Variants in HMGA2 observed in about 807,000 individuals in gnomAD.
The protein encoded by HMGA2 is high mobility group protein HMGI-C.
A neutral mutation model predicts 19.1 loss-of-function variants in HMGA2; 8 were observed. That is an observed-to-expected ratio of 0.42 (90% CI 0.25 to 0.76). The LOEUF is 0.76. HMGA2 is among the 30% of genes least tolerant of loss of function. The probability of loss-of-function intolerance (pLI) is 0.28; values close to 1 mark genes in which losing one functional copy is unlikely to be tolerated. For missense variants in HMGA2, 109 were observed against 136.3 expected, an observed-to-expected ratio of 0.80 and a Z score of 1.00; for synonymous variants, 60 against 48.8, an observed-to-expected ratio of 1.23 and a Z score of -0.96.
rs34541445 is a variant in HMGA2 at position 65,849,736 on chromosome 12, A to ATTTT, written c.249+11188_249+11191dup. Reference sequence around the variant, plus strand: ...AAACCAAGACAATGGTAGGCTCTGTATTTTTTTTTTTTTTTTTTTTTTTTG... The same window carrying ATTTT: ...AAACCAAGACAATGGTAGGCTCTGTATTTTTTTTTTTTTTTTTTTTTTTTTTTTG... On this transcript the variant is annotated intron_variant, in intron 3 of 4. Coordinates refer to ENST00000403681, the MANE Select transcript of HMGA2 (RefSeq NM_003483.6). 1.9e-3 allele frequency among the ~76,000 whole-genome samples: 165 copies of ATTTT among 85,108 alleles called. 18 individuals are homozygous for ATTTT. The highest frequency in any genetic ancestry group is 7.8e-3 in the African/African-American group (144 of 18,522). The allele number at this position is 85,108 out of a possible 152,430, so 55.8% of individuals were successfully genotyped here.
chr12:65,936,869 G>A (rs1489980935), intron 3 of HMGA2, among the ~76,000 whole-genome samples: 1 of 152,068 alleles, frequency 6.6e-6, no homozygotes, highest in Non-Finnish European at 1.5e-5. Flanking sequence ...TGATCTCAGA[G>A]GTCTTTCTGG....
rs1876858741 is a variant in HMGA2 at position 65,964,738 on chromosome 12, T to C, written c.*1446T>C. The C allele has an allele frequency of 5.1e-6, 1 of 197,456 alleles. No individual in the cohort carries two copies. The highest frequency in any genetic ancestry group is 6.1e-5 in the Admixed American group (1 of 16,518). The allele number at this position is 197,456 out of a possible 1,614,324, so 12.2% of individuals were successfully genotyped here. On this transcript the variant is annotated 3_prime_UTR_variant, in exon 5 of 5. Transcript: ENST00000403681. ...CATGACTATGTATTTTTCTATGTTT[T>C]TTTAATTAAAAATTTTTAAAATACT... is the stretch of plus-strand genomic sequence containing the variant.
At chr12:65,865,176 A>T (rs2121001820) in intron 3 of HMGA2, among the ~76,000 whole-genome samples, 1 of 152,322 alleles carries the variant, frequency 6.6e-6, no homozygotes, top group African/African-American at 2.4e-5. Flanking sequence ...ATATAATAAT[A>T]TCACATACAA....
At chr12:65,910,841 TC>T (rs1288225642) in intron 3 of HMGA2, among the ~76,000 whole-genome samples, 2 of 152,214 alleles carry the variant, frequency 1.3e-5, no homozygotes, top group Admixed American at 1.3e-4. Context: ...TACCCTTTGT[TC>T]CAAGCGTTGA....
chr12:65,923,533 C>T (rs1161189525), intron 3 of HMGA2, among the ~76,000 whole-genome samples: 1 of 152,130 alleles, frequency 6.6e-6, no homozygotes, highest in African/African-American at 2.4e-5. Context: ...TGGACCAGTC[C>T]AACAAAATAT....
intron 2 of HMGA2, among the ~76,000 whole-genome samples, chr12:65,836,687 C>T (rs956636802): frequency 2.6e-5 from 4 of 152,176 alleles, no homozygotes; most frequent in African/African-American, 9.7e-5. Flanking sequence ...TGGGCTTTCG[C>T]TAAATTCATG....
At chr12:65,845,646 T>C (rs559237650) in intron 3 of HMGA2, among the ~76,000 whole-genome samples, 5 of 152,298 alleles carry the variant, frequency 3.3e-5, no homozygotes, top group Non-Finnish European at 7.4e-5. Flanking sequence ...TAAACATTTT[T>C]GACAAAAGAT....
intron 3 of HMGA2, among the ~76,000 whole-genome samples, chr12:65,891,021 G>A (rs964828706): frequency 1.3e-5 from 2 of 152,178 alleles, no homozygotes; most frequent in Non-Finnish European, 2.9e-5. Context: ...ATGAGCCATA[G>A]CGCCCAGCCG....
chr12:65,912,143 T>G (rs1034131733), intron 3 of HMGA2, among the ~76,000 whole-genome samples: 1 of 152,184 alleles, frequency 6.6e-6, no homozygotes, highest in African/African-American at 2.4e-5. Flanking sequence ...TTTGCAACCC[T>G]TACCATACTT....
At chr12:65,915,345 C>A in intron 3 of HMGA2, 1 of 1,357,036 alleles carries the variant, frequency 7.4e-7, no homozygotes, top group Non-Finnish European at 9.5e-7. Flanking sequence ...ATATGGCACC[C>A]TTGTACGAAT....
At chr12:65,895,962 T>C (rs1006926541) in intron 3 of HMGA2, among the ~76,000 whole-genome samples, 34 of 152,178 alleles carry the variant, frequency 2.2e-4, no homozygotes, top group Non-Finnish European at 3.5e-4. Context: ...CATGTGTGTG[T>C]TTTCTTATCT....
At chr12:65,872,488 T>C (rs559343664) in intron 3 of HMGA2, among the ~76,000 whole-genome samples, 2 of 152,320 alleles carry the variant, frequency 1.3e-5, no homozygotes, top group South Asian at 4.1e-4. Flanking sequence ...ACTGCCTGCA[T>C]TGACTGACTG....
chr12:65,834,920 A>G (rs918623967), intron 2 of HMGA2, among the ~76,000 whole-genome samples: 2 of 152,246 alleles, frequency 1.3e-5, no homozygotes, highest in Non-Finnish European at 2.9e-5. Flanking sequence ...TTAAAACATA[A>G]AAATATTAAT....
intron 3 of HMGA2, chr12:65,881,484 A>G (rs1230244530): frequency 7.3e-6 from 4 of 544,788 alleles, no homozygotes; most frequent in South Asian, 5.4e-5. Flanking sequence ...ATTATGAAGC[A>G]ATCTTGCTTA....
At chr12:65,889,293 A>G (rs1873804537) in intron 3 of HMGA2, among the ~76,000 whole-genome samples, 1 of 152,180 alleles carries the variant, frequency 6.6e-6, no homozygotes, top group Non-Finnish European at 1.5e-5. Context: ...CTACAAATCA[A>G]ACTTCAGCAT....
chr12:65,889,163 A>G (rs1405013081), intron 3 of HMGA2, among the ~76,000 whole-genome samples: 1 of 152,216 alleles, frequency 6.6e-6, no homozygotes, highest in African/African-American at 2.4e-5. Flanking sequence ...CCCTTGTCCA[A>G]TGTTCAACTA....
chr12:65,858,613 T>C (rs2120961034), intron 3 of HMGA2: 1 of 152,328 alleles, frequency 6.6e-6, no homozygotes, highest in Non-Finnish European at 1.5e-5. Context: ...ACCTTATATT[T>C]GTACCTTTAC....
chr12:65,842,703 CA>C, intron 3 of HMGA2: 1 of 1,502,130 alleles, frequency 6.7e-7, no homozygotes, highest in Non-Finnish European at 8.9e-7. Flanking sequence ...TCAAGATGTA[CA>C]TACAGAGATG....
chr12:65,908,319 C>T (rs761586082), intron 3 of HMGA2, among the ~76,000 whole-genome samples: 2 of 152,048 alleles, frequency 1.3e-5, no homozygotes, highest in African/African-American at 2.4e-5. Context: ...CTCCTTAGCT[C>T]GGCATATCTC....
Sources: allele counts gnomAD v4.1 joint callset (sites outside exome capture counted in the v4.1 genomes callset), GRCh38; gene constraint gnomAD v4.1.1; transcripts MANE v1.5; gene names NCBI Gene and HGNC (gene_info 2026-07-23, HGNC 2026-07-21).